CCDC198: variants seen among roughly 807,000 people sequenced by gnomAD.
CCDC198 encodes coiled-coil domain containing 198.
Under a neutral mutation model 35.6 loss-of-function variants are expected in CCDC198, and 18 were observed. That is an observed-to-expected ratio of 0.51 (90% CI 0.35 to 0.75). The LOEUF (loss-of-function observed/expected upper bound fraction) is 0.75. CCDC198 is among the 30% of genes least tolerant of loss of function. The probability of loss-of-function intolerance (pLI) is 0.01; values close to 1 mark genes in which losing one functional copy is unlikely to be tolerated. For missense variants in CCDC198, 365 were observed against 343.7 expected, an observed-to-expected ratio of 1.06 and a Z score of -0.49; for synonymous variants, 119 against 113.4, an observed-to-expected ratio of 1.05 and a Z score of -0.31.
intron 5 of CCDC198, among the ~76,000 whole-genome samples, chr14:57,473,832 G>T (rs996783643): frequency 6.6e-6 from 1 of 152,100 alleles, no homozygotes; most frequent in African/African-American, 2.4e-5. Context: ...TGTGTGATTT[G>T]GCCCTGCCCA....
intron 5 of CCDC198, chr14:57,480,309 CT>C (rs1594794560): frequency 2.0e-6 from 2 of 985,086 alleles, no homozygotes; most frequent in African/African-American, 3.5e-5. Context: ...GCTATTTTGC[CT>C]TTTCTGCTTC....
chr14:57,475,018 T>C (rs1594779579), intron 5 of CCDC198, among the ~76,000 whole-genome samples: 1 of 152,178 alleles, frequency 6.6e-6, no homozygotes, highest in Admixed American at 6.5e-5. Flanking sequence ...TCCCAGCACT[T>C]TGGGAGGCCG....
In CCDC198 at chr14:57,470,979, G is replaced by C. The variant is rs2066802732; in HGVS notation, c.*376C>G. ...TGAGGCTACATGGATAGGGGGCAAG[G>C]TCCCCCTGTGTCAGTGTCCTAATGG... is the stretch of plus-strand genomic sequence containing the variant. On this transcript the variant is annotated 3_prime_UTR_variant, in exon 6 of 6. Transcript: ENST00000216445. 5.7e-6 allele frequency: 1 copy of C among 176,348 alleles called. No homozygotes were observed. The highest frequency in any genetic ancestry group is 1.2e-5 in the Non-Finnish European group (1 of 83,116). 10.9% of individuals were successfully genotyped at this position (176,348 alleles called of 1,614,324 possible).
rs1339982318 is a variant in CCDC198 at position 57,482,071 on chromosome 14, G to A, written c.394-411C>T. On this transcript the variant is annotated intron_variant, in intron 3 of 5. Coordinates refer to ENST00000216445, the MANE Select transcript of CCDC198 (RefSeq NM_018168.4). Reference sequence around the variant, plus strand: ...GTAATTGGCTGGCTATGAAATGAGAGGGAAGCTGCTGAATGGTGAAATGGA... The same window carrying A: ...GTAATTGGCTGGCTATGAAATGAGAAGGAAGCTGCTGAATGGTGAAATGGA... Among the ~76,000 whole-genome samples, 3 of 152,190 alleles carry A rather than the reference G, an allele frequency of 2.0e-5. No homozygotes were observed. The East Asian group carries it at 5.8e-4, about 29-fold the overall frequency.
intron 2 of CCDC198, among the ~76,000 whole-genome samples, chr14:57,489,796 T>G (rs1347286370): frequency 6.6e-6 from 1 of 152,122 alleles, no homozygotes; most frequent in East Asian, 1.9e-4. Flanking sequence ...TATCTTCTAT[T>G]TGAACTAATC....
chr14:57,490,271 C>A (rs2067518152), intron 2 of CCDC198, among the ~76,000 whole-genome samples: 1 of 152,150 alleles, frequency 6.6e-6, no homozygotes, highest in Non-Finnish European at 1.5e-5. Context: ...CCAATCTACC[C>A]ATTCCCTTTC....
At chr14:57,493,204 A>G (rs2067635162) in intron 1 of CCDC198, among the ~76,000 whole-genome samples, 1 of 152,200 alleles carries the variant, frequency 6.6e-6, no homozygotes, top group Non-Finnish European at 1.5e-5. Flanking sequence ...AAAACTAGGT[A>G]TAAACATTGA....
intron 5 of CCDC198, among the ~76,000 whole-genome samples, chr14:57,474,589 A>G (rs1009050674): frequency 2.6e-5 from 4 of 152,252 alleles, no homozygotes; most frequent in Admixed American, 2.0e-4. Context: ...TGTCACTCAT[A>G]AAGTATTACA....
chr14:57,492,440 A>G (rs904833141), intron 1 of CCDC198, among the ~76,000 whole-genome samples: 1 of 152,104 alleles, frequency 6.6e-6, no homozygotes, highest in Non-Finnish European at 1.5e-5. Flanking sequence ...GAATTCCTCA[A>G]TAGGAGCATT....
Position 57,483,262 on chromosome 14 carries a change from T to C in CCDC198, c.307-111A>G, listed in dbSNP as rs1038618575. ...ACTTTGCAAAAGCGGCACTTATTTC[T>C]GAGAGCATACAGGAAAGGTGATTCT... On this transcript the variant is annotated intron_variant, in intron 2 of 5. Transcript: ENST00000216445. 56 of 1,507,824 alleles carry C rather than the reference T, an allele frequency of 3.7e-5. No homozygotes were observed. In the African/African-American group the frequency reaches 7.0e-4, roughly 19 times the overall value. The allele number at this position is 1,507,824 out of a possible 1,614,324, so 93.4% of individuals were successfully genotyped here. A position where few individuals can be genotyped will look rare whatever the true frequency, so the allele number is the denominator to read the frequency against.
At position 57,480,646 on chromosome 14, in the gene CCDC198, C is replaced by G; in HGVS notation, c.604G>C (p.Asp202His). The change falls in exon 5 of 6, where the codon GAC (aspartate) becomes CAC (histidine). Residue 202 changes from aspartate to histidine, a missense_variant. Physicochemically the swap from Asp to His is moderately conservative, Grantham distance 81. Coordinates refer to ENST00000216445, the MANE Select transcript of CCDC198 (RefSeq NM_018168.4). ...GGCAACATGGTTAGAAGGTCATGGT[C>G]ATCATTCCTTGGGGTGCTTTGAAGG... ...KTLQSTPRND[D>H]HDLLTMLPDE... The G allele has an allele frequency of 1.2e-6, 2 of 1,614,168 alleles. No individual in the cohort carries two copies. Among genetic ancestry groups the G allele is most frequent in the Non-Finnish European group, 1.7e-6 (2 of 1,180,016 alleles).
chr14:57,485,049 T>G (rs920509768), intron 2 of CCDC198, among the ~76,000 whole-genome samples: 2 of 152,174 alleles, frequency 1.3e-5, no homozygotes, highest in Non-Finnish European at 2.9e-5. Flanking sequence ...TATCATACCC[T>G]GTGATGGGCA....
chr14:57,478,569 T>G (rs1274426288), intron 5 of CCDC198: 2 of 987,634 alleles, frequency 2.0e-6, no homozygotes, highest in Non-Finnish European at 1.2e-6. Context: ...GTCTGAGACA[T>G]CTTCCAGGGA....
At position 57,471,014 on chromosome 14, in the gene CCDC198, A is replaced by C. The variant is rs1475256983; in HGVS notation, c.*341T>G. ...GTCAGTGTCCTAATGGGGCCTCTGG[A>C]TGACTCCAGTCTTAGTAGTCCAAAT... is the stretch of plus-strand genomic sequence containing the variant. On this transcript the variant is annotated 3_prime_UTR_variant, in exon 6 of 6. Transcript: ENST00000216445. The C allele has an allele frequency of 4.9e-6, 1 of 205,258 alleles. No homozygotes were observed. The highest frequency in any genetic ancestry group is 9.9e-6 in the Non-Finnish European group (1 of 101,400). 12.7% of individuals were successfully genotyped at this position (205,258 alleles called of 1,614,324 possible). A position where few individuals can be genotyped will look rare whatever the true frequency, so the allele number is the denominator to read the frequency against.
chr14:57,471,713 A>C (rs2066825093), intron 5 of CCDC198, 123 bp from the exon 6 acceptor site: 1 of 160,960 alleles, frequency 6.2e-6, no homozygotes, highest in Non-Finnish European at 1.1e-5. Flanking sequence ...TAGTTTGAAA[A>C]ATTATATATA....
At chr14:57,478,395 A>C in intron 5 of CCDC198, 1 of 884,254 alleles carries the variant, frequency 1.1e-6, no homozygotes, top group Non-Finnish European at 1.4e-6. Context: ...GTTGTGTGAG[A>C]ATTAAAAGAG....
At chr14:57,479,882 G>A (rs894451667) in intron 5 of CCDC198, among the ~76,000 whole-genome samples, 7 of 152,142 alleles carry the variant, frequency 4.6e-5, no homozygotes, top group African/African-American at 1.7e-4. Flanking sequence ...TTGATGGATG[G>A]ACAGTAAGAC....
chr14:57,476,243 G>GAATAAATAAAGAGAAAGAA (rs2066993458), intron 5 of CCDC198, among the ~76,000 whole-genome samples: 1 of 152,110 alleles, frequency 6.6e-6, no homozygotes, highest in Non-Finnish European at 1.5e-5. Flanking sequence ...CTAGAATTTA[G>GAATAAATAAAGAGAAAGAA]CTATATTCTT....
At chr14:57,479,101 G>A (rs886630671) in intron 5 of CCDC198, 10 of 1,118,180 alleles carry the variant, frequency 8.9e-6, no homozygotes, top group African/African-American at 8.0e-5. Context: ...TTGTAGACAA[G>A]CCTGTCCATT....
Sources: allele counts gnomAD v4.1 joint callset (sites outside exome capture counted in the v4.1 genomes callset), GRCh38; gene constraint gnomAD v4.1.1; transcripts MANE v1.5; gene names NCBI Gene and HGNC (gene_info 2026-07-23, HGNC 2026-07-21).